CFAP299: variants seen among roughly 807,000 people sequenced by gnomAD.
CFAP299 encodes cilia- and flagella-associated protein 299.
Under a neutral mutation model 27.0 loss-of-function variants are expected in CFAP299, and 21 were observed. The observed-to-expected ratio is 0.78, with a 90% CI of 0.55 to 1.12. The LOEUF (loss-of-function observed/expected upper bound fraction) is 1.12, where lower values mean the gene tolerates loss of function less well. CFAP299 is among the 50% of genes most tolerant of loss of function. CFAP299 has a pLI of 0.00. For synonymous variants in CFAP299, 104 were observed against 98.1 expected, an observed-to-expected ratio of 1.06 and a Z score of -0.36; for missense variants, 310 against 276.6, an observed-to-expected ratio of 1.12 and a Z score of -0.86.
chr4:80,841,095 T>G (rs915417891), intron 3 of CFAP299, among the ~76,000 whole-genome samples: 1 of 152,170 alleles, frequency 6.6e-6, no homozygotes, highest in Non-Finnish European at 1.5e-5. Flanking sequence ...AGAAATAATC[T>G]TATTCATCCA....
At chr4:80,493,538 T>C (rs13152141) in intron 2 of CFAP299, among the ~76,000 whole-genome samples, 16,408 of 152,112 alleles carry the variant, frequency 0.11, 1,037 homozygotes, top group Middle Eastern at 0.23. Flanking sequence ...GAGCAGGTGA[T>C]AGGAAAGAGT....
intron 2 of CFAP299, among the ~76,000 whole-genome samples, chr4:80,430,882 G>C (rs886332474): frequency 6.6e-6 from 1 of 152,116 alleles, no homozygotes; most frequent in Non-Finnish European, 1.5e-5. Context: ...CCTCTTTGCT[G>C]TTCCTTTGGT....
intron 3 of CFAP299, among the ~76,000 whole-genome samples, chr4:80,731,479 A>C (rs572190913): frequency 1.3e-5 from 2 of 152,206 alleles, no homozygotes; most frequent in Non-Finnish European, 2.9e-5. Flanking sequence ...TCTGGTTTCC[A>C]TCGGGCCCAC....
At chr4:80,673,842 CTT>C (rs201682901) in intron 3 of CFAP299, among the ~76,000 whole-genome samples, 4,623 of 128,588 alleles carry the variant, frequency 0.036, 105 homozygotes, top group Admixed American at 0.074. Flanking sequence ...CAAACTCTGC[CTT>C]TTTTTTTTTT....
chr4:80,890,042 T>C (rs537346085), intron 4 of CFAP299, among the ~76,000 whole-genome samples: 43 of 152,140 alleles, frequency 2.8e-4, no homozygotes, highest in Non-Finnish European at 5.3e-4. Flanking sequence ...AAAACTGAAA[T>C]CCTTCCCTTC....
At chr4:80,662,165 G>A (rs1314435222) in intron 3 of CFAP299, among the ~76,000 whole-genome samples, 1 of 152,056 alleles carries the variant, frequency 6.6e-6, no homozygotes, top group East Asian at 1.9e-4. Context: ...ACCTTGTGAA[G>A]CATGTGATCT....
At chr4:80,456,735 T>G (rs955353330) in intron 2 of CFAP299, among the ~76,000 whole-genome samples, 24 of 151,966 alleles carry the variant, frequency 1.6e-4, no homozygotes, top group Non-Finnish European at 5.9e-5. Flanking sequence ...CATGTTGGAG[T>G]TCAGTGGAGA....
intron 3 of CFAP299, among the ~76,000 whole-genome samples, chr4:80,800,111 A>T (rs1228203298): frequency 2.8e-5 from 2 of 70,176 alleles, no homozygotes; most frequent in African/African-American, 1.2e-4. Context: ...AATATATTAT[A>T]TATAAGATAT....
intron 3 of CFAP299, among the ~76,000 whole-genome samples, chr4:80,688,168 C>G (rs552558052): frequency 3.3e-5 from 5 of 152,214 alleles, no homozygotes; most frequent in East Asian, 1.9e-4. Flanking sequence ...CCGGGAAGCT[C>G]GAACAGAGTG....
chr4:80,836,846 C>T (rs2110135613), intron 3 of CFAP299, among the ~76,000 whole-genome samples: 1 of 152,068 alleles, frequency 6.6e-6, no homozygotes, highest in South Asian at 2.1e-4. Context: ...AAACAAACGA[C>T]TTTTTGATTA....
intron 3 of CFAP299, among the ~76,000 whole-genome samples, chr4:80,654,674 A>G (rs1480959673): frequency 1.3e-5 from 2 of 152,052 alleles, no homozygotes; most frequent in Non-Finnish European, 2.9e-5. Flanking sequence ...GGCAATGATC[A>G]TAGATCATAG....
intron 4 of CFAP299, among the ~76,000 whole-genome samples, chr4:80,879,656 T>A (rs916335693): frequency 6.6e-6 from 1 of 152,178 alleles, no homozygotes; most frequent in African/African-American, 2.4e-5. Context: ...TACATATTAT[T>A]TTTAAAGAGT....
chr4:80,532,984 A>G (rs1733549941), intron 2 of CFAP299, among the ~76,000 whole-genome samples: 2 of 152,162 alleles, frequency 1.3e-5, no homozygotes, highest in African/African-American at 2.4e-5. Flanking sequence ...TCTCAATACT[A>G]AAAACATCTT....
At chr4:80,606,568 A>G (rs1737689886) in intron 3 of CFAP299, among the ~76,000 whole-genome samples, 1 of 152,162 alleles carries the variant, frequency 6.6e-6, no homozygotes, top group Non-Finnish European at 1.5e-5. Context: ...TAGCTACAGT[A>G]ATAGGTATAT....
intron 2 of CFAP299, among the ~76,000 whole-genome samples, chr4:80,525,984 G>C (rs929003158): frequency 6.6e-6 from 1 of 152,088 alleles, no homozygotes; most frequent in African/African-American, 2.4e-5. Context: ...CTTAGTGAAG[G>C]AATGTTTTAC....
chr4:80,475,239 A>G (rs935271811), intron 2 of CFAP299, among the ~76,000 whole-genome samples: 1 of 152,138 alleles, frequency 6.6e-6, no homozygotes, highest in East Asian at 1.9e-4. Context: ...GTAGATATGA[A>G]CACATTTGCA....
At chr4:80,681,718 A>G (rs994964304) in intron 3 of CFAP299, among the ~76,000 whole-genome samples, 5 of 152,218 alleles carry the variant, frequency 3.3e-5, no homozygotes, top group Non-Finnish European at 7.3e-5. Context: ...AATTTAACAG[A>G]TGGCAAAATG....
chr4:80,752,425 TATAA>T lies in CFAP299; in HGVS notation c.334-117560_334-117557del, dbSNP rs1255594892. Among the ~76,000 whole-genome samples, 6 of 146,254 alleles carry T rather than the reference TATAA, an allele frequency of 4.1e-5. No homozygotes were observed. In the South Asian group the frequency reaches 8.5e-4, roughly 21 times the overall value. ...ATTTATATATATATATACACATATA[TATAA>T]ATAAATATATATATACTATATATAT... On this transcript the variant is annotated intron_variant, in intron 3 of 5. Transcript: ENST00000358105.
chr4:80,848,532 C>T (rs1214748397), intron 3 of CFAP299, among the ~76,000 whole-genome samples: 2 of 151,990 alleles, frequency 1.3e-5, no homozygotes, highest in Non-Finnish European at 2.9e-5. Context: ...TATTGGGCAA[C>T]TGTGGTGGGA....
Sources: allele counts gnomAD v4.1 joint callset (sites outside exome capture counted in the v4.1 genomes callset), GRCh38; gene constraint gnomAD v4.1.1; transcripts MANE v1.5; gene names NCBI Gene and HGNC (gene_info 2026-07-23, HGNC 2026-07-21).